Variants in NCKAP5 observed in about 807,000 individuals in gnomAD.
NCKAP5 encodes nck-associated protein 5.
NCKAP5 carries 92 observed loss-of-function variants against 167.0 expected under a neutral mutation model. The observed-to-expected ratio is 0.55, with a 90% CI of 0.47 to 0.66. NCKAP5 has a LOEUF of 0.66. NCKAP5 is among the 30% of genes least tolerant of loss of function. The pLI is 0.00. For missense variants in NCKAP5, 2,378 were observed against 2,315.0 expected (o/e 1.03, Z -0.56); for synonymous variants, 891 against 877.4 (o/e 1.02, Z -0.27).
At chr2:133,192,306 G>A (rs10210467) in intron 5 of NCKAP5, among the ~76,000 whole-genome samples, 96,063 of 151,948 alleles carry the variant, frequency 0.63, 31,179 homozygotes, top group East Asian at 0.83. Context: ...TGAAACTGTA[G>A]ATCTTTTAGA....
At chr2:132,780,157 T>G (rs1160564321) in intron 15 of NCKAP5, among the ~76,000 whole-genome samples, 2 of 152,188 alleles carry the variant, frequency 1.3e-5, no homozygotes, top group African/African-American at 4.8e-5. Context: ...ATTTATTTTT[T>G]ATTTATTTTT....
At chr2:133,339,334 A>T (rs544842104) in intron 3 of NCKAP5, among the ~76,000 whole-genome samples, 174 of 152,280 alleles carry the variant, frequency 1.1e-3, no homozygotes, top group Non-Finnish European at 2.2e-3. Context: ...ACTGGGGAAA[A>T]AAAAAAATTC....
chr2:133,270,029 GTGGAAGAA>G (rs1468444804), intron 4 of NCKAP5, among the ~76,000 whole-genome samples: 1 of 152,196 alleles, frequency 6.6e-6, no homozygotes, highest in Non-Finnish European at 1.5e-5. Flanking sequence ...GCAAATTTTG[GTGGAAGAA>G]TCAGCTTATA....
intron 4 of NCKAP5, among the ~76,000 whole-genome samples, chr2:133,255,728 C>T (rs1370143812): frequency 6.6e-6 from 1 of 152,200 alleles, no homozygotes; most frequent in African/African-American, 2.4e-5. Flanking sequence ...AGAATCCTTG[C>T]AGCAGCTTTT....
intron 3 of NCKAP5, among the ~76,000 whole-genome samples, chr2:133,515,889 G>C (rs1056592602): frequency 2.0e-5 from 3 of 152,168 alleles, no homozygotes; most frequent in Non-Finnish European, 4.4e-5. Flanking sequence ...ACAAAATTCT[G>C]CTCATCGGTT....
intron 16 of NCKAP5, among the ~76,000 whole-genome samples, chr2:132,745,308 A>G (rs1679544672): frequency 6.6e-6 from 1 of 151,864 alleles, no homozygotes; most frequent in African/African-American, 2.4e-5. Flanking sequence ...TTTAAAAATA[A>G]ATCAATATTA....
chr2:132,789,990 T>C (rs750752102), intron 13 of NCKAP5, 33 bp downstream of exon 13: 2 of 1,573,186 alleles, frequency 1.3e-6, no homozygotes, highest in East Asian at 2.3e-5. Flanking sequence ...AGAGGATTCT[T>C]TTCTGGTTCA....
At chr2:133,666,186 CT>C in the NCKAP5 span, among the ~76,000 whole-genome samples, 1,079 of 114,110 alleles carry the variant, frequency 9.5e-3, 6 homozygotes, top group Middle Eastern at 0.014. Flanking sequence ...GATCTACATC[CT>C]TTTTTTTTTT....
chr2:133,538,501 T>A (rs904351519), intron 2 of NCKAP5, among the ~76,000 whole-genome samples: 1 of 152,124 alleles, frequency 6.6e-6, no homozygotes, highest in African/African-American at 2.4e-5. Flanking sequence ...ATGCAACTTT[T>A]GTAGGTAAAT....
intron 6 of NCKAP5, among the ~76,000 whole-genome samples, chr2:133,032,265 C>A (rs997156812): frequency 3.9e-4 from 59 of 152,260 alleles, no homozygotes; most frequent in African/African-American, 1.3e-3. Flanking sequence ...GGCCAGGCAG[C>A]ATTTACCAGA....
intron 3 of NCKAP5, among the ~76,000 whole-genome samples, chr2:133,345,247 C>A (rs1365579726): frequency 6.6e-6 from 1 of 152,126 alleles, no homozygotes; most frequent in Non-Finnish European, 1.5e-5. Context: ...CTTTGCCCAG[C>A]TGCTGTGCAA....
chr2:132,912,436 G>A (rs1694531198), intron 8 of NCKAP5, among the ~76,000 whole-genome samples: 1 of 152,138 alleles, frequency 6.6e-6, no homozygotes, highest in African/African-American at 2.4e-5. Context: ...ACCCTCTGTG[G>A]ACTATGTTTC....
At chr2:133,272,556 T>G (rs2089560270) in intron 4 of NCKAP5, among the ~76,000 whole-genome samples, 1 of 152,188 alleles carries the variant, frequency 6.6e-6, no homozygotes, top group East Asian at 1.9e-4. Flanking sequence ...GAAAAAAAAT[T>G]TGCTGCTGCA....
intron 5 of NCKAP5, among the ~76,000 whole-genome samples, chr2:133,186,671 C>A (rs2084959783): frequency 6.6e-6 from 1 of 151,868 alleles, no homozygotes; most frequent in African/African-American, 2.4e-5. Context: ...TTTCCTGGTT[C>A]AATCTTGGGA....
intron 8 of NCKAP5, among the ~76,000 whole-genome samples, chr2:132,892,239 C>T (rs1692768212): frequency 6.6e-6 from 1 of 152,188 alleles, no homozygotes; most frequent in Non-Finnish European, 1.5e-5. Flanking sequence ...TTCTTCTTCT[C>T]TTTCTCACCT....
At chr2:133,338,760 C>G (rs555465373) in intron 3 of NCKAP5, among the ~76,000 whole-genome samples, 57 of 152,262 alleles carry the variant, frequency 3.7e-4, no homozygotes, top group African/African-American at 1.4e-3. Context: ...GTAATCCTAG[C>G]ACTTTGGGAG....
the NCKAP5 span, among the ~76,000 whole-genome samples, chr2:133,578,368 T>G: frequency 6.6e-6 from 1 of 152,202 alleles, no homozygotes; most frequent in East Asian, 1.9e-4. Context: ...GTTGAGCCTT[T>G]CTGGGAAAGT....
At chr2:133,422,160 G>A (rs1188952266) in intron 3 of NCKAP5, among the ~76,000 whole-genome samples, 1 of 152,174 alleles carries the variant, frequency 6.6e-6, no homozygotes, top group Non-Finnish European at 1.5e-5. Flanking sequence ...TCCCAAAGAT[G>A]GCAACACTTA....
chr2:133,523,659 A>G (rs1476951868), intron 2 of NCKAP5, among the ~76,000 whole-genome samples: 2 of 152,194 alleles, frequency 1.3e-5, no homozygotes, highest in African/African-American at 4.8e-5. Flanking sequence ...TTTTCCGGTC[A>G]GCTTCGTTAA....
Sources: gnomAD v4.1 joint callset for allele counts (sites outside exome capture counted in the v4.1 genomes callset) on GRCh38, gnomAD v4.1.1 for gene constraint, MANE v1.5 for transcripts, NCBI Gene and HGNC (gene_info 2026-07-23, HGNC 2026-07-21) for gene names.